Variants in MARCO observed in about 807,000 individuals in gnomAD.
The protein encoded by MARCO is macrophage receptor with collagenous structure, also known as macrophage receptor MARCO.
A neutral mutation model predicts 70.0 loss-of-function variants in MARCO; 72 were observed. That is an observed-to-expected ratio of 1.03 (90% CI 0.85 to 1.25). MARCO has a LOEUF of 1.25. MARCO is among the 50% of genes most tolerant of loss of function. MARCO has a pLI of 0.00. For missense variants in MARCO, 696 were observed against 659.3 expected, an observed-to-expected ratio of 1.06 and a Z score of -0.61; for synonymous variants, 273 against 243.1, an observed-to-expected ratio of 1.12 and a Z score of -1.14.
chr2:118,961,014 T>G (rs1409931247), intron 1 of MARCO, among the ~76,000 whole-genome samples: 2 of 152,176 alleles, frequency 1.3e-5, no homozygotes, highest in Admixed American at 6.5e-5. Context: ...CCTACATTAG[T>G]TTTCTGAGGA....
chr2:118,943,608 G>C (rs1679543639), intron 1 of MARCO, among the ~76,000 whole-genome samples: 1 of 152,194 alleles, frequency 6.6e-6, no homozygotes, highest in Admixed American at 6.5e-5. Flanking sequence ...ATCTAACCAG[G>C]TGTAGAGCCC....
chr2:118,993,750 G>A (rs1680668776), intron 16 of MARCO, among the ~76,000 whole-genome samples: 1 of 152,236 alleles, frequency 6.6e-6, no homozygotes, highest in Non-Finnish European at 1.5e-5. Flanking sequence ...TTAAAGAGAA[G>A]ATGGGAAGGG....
In MARCO at chr2:118,982,364, C is replaced by T. The variant is rs764788667; in HGVS notation, c.1017C>T (p.Pro339=). The T allele has an allele frequency of 7.4e-6, 12 of 1,613,706 alleles. No homozygotes were observed. The highest frequency in any genetic ancestry group is 1.3e-5 in the African/African-American group (1 of 74,842). ...GTTGTCCAGGACTTCCAGGGAGCCC[C>T]GGGAGTCCAGGAGCCACAGGCCTGA... ...SPGRAGLPGS[P]GSPGATGLKG... Residue 339 remains proline, a synonymous_variant, in exon 12 of 17, where the codon CCC becomes CCT. Transcript: ENST00000327097.
At chr2:118,986,702 AAAG>A (rs1680517040) in intron 12 of MARCO, among the ~76,000 whole-genome samples, 9 of 112,282 alleles carry the variant, frequency 8.0e-5, no homozygotes, top group Non-Finnish European at 1.2e-4. Context: ...AGAAAGAAAG[AAAG>A]AAAGAAAGAA....
intron 12 of MARCO, among the ~76,000 whole-genome samples, chr2:118,986,413 C>T (rs531766277): frequency 3.3e-5 from 5 of 151,778 alleles, no homozygotes; most frequent in Middle Eastern, 3.4e-3. Context: ...ACTCAGGTGG[C>T]TGAAGGAGGA....
intron 1 of MARCO, among the ~76,000 whole-genome samples, chr2:118,948,457 G>A (rs1283727816): frequency 6.6e-6 from 1 of 152,224 alleles, no homozygotes; most frequent in Non-Finnish European, 1.5e-5. Flanking sequence ...GGAGCATAGG[G>A]TGTGAGCTGG....
At chr2:118,951,887 CTCTCTT>C (rs1486380574) in intron 1 of MARCO, among the ~76,000 whole-genome samples, 3 of 151,736 alleles carry the variant, frequency 2.0e-5, no homozygotes, top group African/African-American at 4.8e-5. Context: ...ATCTCTCTCT[CTCTCTT>C]TCTTCCTCTT....
rs1680169836 is a variant in MARCO at position 118,971,493 on chromosome 2, T to C, written c.425-6T>C. 4 of 1,613,982 alleles carry C rather than the reference T, an allele frequency of 2.5e-6. No individual in the cohort carries two copies. Among genetic ancestry groups the C allele is most frequent in the Non-Finnish European group, 3.4e-6 (4 of 1,179,896 alleles). On this transcript the variant is annotated splice_region_variant and splice_polypyrimidine_tract_variant and intron_variant, in intron 3 of 16. Transcript: ENST00000327097. ...TCAGCTGCAGCTCACTCTCCTTCCC[T>C]TGCAGGGATGTTCAGAATCAAAGGT... is the stretch of plus-strand genomic sequence containing the variant.
intron 6 of MARCO, among the ~76,000 whole-genome samples, chr2:118,975,123 T>G (rs1200215276): frequency 1.3e-5 from 2 of 152,230 alleles, no homozygotes; most frequent in African/African-American, 4.8e-5. Context: ...TGCCTAATTC[T>G]GCCCAGCCAT....
chr2:118,971,557 C>T (rs757792807), intron 4 of MARCO, 23 bp downstream of exon 4: 1 of 1,612,870 alleles, frequency 6.2e-7, no homozygotes, highest in African/African-American at 1.3e-5. Flanking sequence ...CCACTCACAC[C>T]CACCCTGCTC....
chr2:118,986,648 AGAAAGAAGGAAGGAAGGAAGGAAG>A lies in MARCO; in HGVS notation c.1064-3933_1064-3910del, dbSNP rs1558671592. 6.7e-3 allele frequency among the ~76,000 whole-genome samples: 262 copies of A among 39,268 alleles called. 28 individuals carry two copies. The highest frequency in any genetic ancestry group is 0.027 in the Admixed American group (101 of 3,746). The allele number at this position is 39,268 out of a possible 152,430, so 25.8% of individuals were successfully genotyped here. A position where few individuals can be genotyped will look rare whatever the true frequency, so the allele number is the denominator to read the frequency against. On this transcript the variant is annotated intron_variant, in intron 12 of 16. Transcript: ENST00000327097. ...AAGAAAGAAAGAAAGAAAGAAAGAA[AGAAAGAAGGAAGGAAGGAAGGAAG>A]GAAAGAAAGAAAGAAAGAAAGAAAG... is the stretch of plus-strand genomic sequence containing the variant.
Position 118,993,252 on chromosome 2 carries a change from C to T in MARCO, c.1381C>T (p.Arg461Cys), listed in dbSNP as rs577969113. 3.1e-6 allele frequency: 5 copies of T among 1,614,098 alleles called. No individual in the cohort carries two copies. The Admixed American group carries it at 6.7e-5, about 22-fold the overall frequency. Residue 461 changes from arginine (R) to cysteine (C), a missense_variant, in exon 16 of 17, where the codon CGC (arginine) becomes TGC (cysteine). By Grantham distance (180) the Arg-to-Cys change is radical. Transcript: ENST00000327097. ...WQNSDAIVFCRMLGYSKGRAL... is the reference protein window; with the variant it reads ...WQNSDAIVFCCMLGYSKGRAL... ...AAATTCTGATGCCATTGTCTTCTGCCGCATGCTGGGTTACTCCAAAGGAAG... is the reference window on the plus strand; with the variant it reads ...AAATTCTGATGCCATTGTCTTCTGCTGCATGCTGGGTTACTCCAAAGGAAG...
chr2:118,983,470 C>A (rs575387309), intron 12 of MARCO, among the ~76,000 whole-genome samples: 2 of 152,246 alleles, frequency 1.3e-5, no homozygotes, highest in South Asian at 4.1e-4. Context: ...AGTTTTACAC[C>A]CTCTCTGTCC....
intron 4 of MARCO, among the ~76,000 whole-genome samples, chr2:118,973,606 G>A (rs1213352674): frequency 6.6e-6 from 1 of 152,140 alleles, no homozygotes; most frequent in Non-Finnish European, 1.5e-5. Context: ...ACTTCCCAGA[G>A]GTTCCTTTGT....
chr2:118,988,686 G>T (rs1255183820), intron 12 of MARCO, among the ~76,000 whole-genome samples: 1 of 152,090 alleles, frequency 6.6e-6, no homozygotes, highest in Non-Finnish European at 1.5e-5. Flanking sequence ...CCATCTTGGC[G>T]TATGCTGTTC....
At chr2:118,983,459 C>T (rs970963456) in intron 12 of MARCO, among the ~76,000 whole-genome samples, 1 of 152,190 alleles carries the variant, frequency 6.6e-6, no homozygotes, top group African/African-American at 2.4e-5. Flanking sequence ...ATGGCAAGCG[C>T]AGTTTTACAC....
At chr2:118,976,532 G>T (rs1202455500) in intron 6 of MARCO, among the ~76,000 whole-genome samples, 1 of 151,874 alleles carries the variant, frequency 6.6e-6, no homozygotes, top group African/African-American at 2.4e-5. Flanking sequence ...CCCTGCCCCT[G>T]CCCCTGCCCC....
At chr2:118,966,150 T>G (rs1163663545) in intron 1 of MARCO, among the ~76,000 whole-genome samples, 1 of 152,174 alleles carries the variant, frequency 6.6e-6, no homozygotes, top group Non-Finnish European at 1.5e-5. Context: ...GTGTGCAGGC[T>G]TTTTTTCTTC....
At chr2:118,979,695 T>C (rs865812786) in intron 8 of MARCO, among the ~76,000 whole-genome samples, 2 of 151,962 alleles carry the variant, frequency 1.3e-5, no homozygotes, top group South Asian at 4.2e-4. Context: ...GCAGTTTGAG[T>C]TCTTCAAAAA....
Sources: allele counts gnomAD v4.1 joint callset (sites outside exome capture counted in the v4.1 genomes callset), GRCh38; gene constraint gnomAD v4.1.1; transcripts MANE v1.5; gene names NCBI Gene and HGNC (gene_info 2026-07-23, HGNC 2026-07-21).